Variants in RIMS1 observed in about 807,000 individuals in gnomAD.
The protein encoded by RIMS1 is regulating synaptic membrane exocytosis 1.
Under a neutral mutation model 214.1 loss-of-function variants are expected in RIMS1, and 83 were observed. The ratio of observed to expected loss-of-function variants is 0.39; its 90% CI spans 0.32 to 0.47. The LOEUF is 0.47. Among genes scored for constraint, RIMS1 ranks in the 20% least tolerant of loss-of-function variants. The probability of loss-of-function intolerance (pLI) is 0.99; values close to 1 mark genes in which losing one functional copy is unlikely to be tolerated. For synonymous variants in RIMS1, 793 were observed against 786.8 expected (o/e 1.01, Z -0.13); for missense variants, 2,050 against 2,161.8 (o/e 0.95, Z 1.03).
At chr6:72,395,392 AAG>A (rs2098762152) in intron 31 of RIMS1, among the ~76,000 whole-genome samples, 2 of 149,326 alleles carry the variant, frequency 1.3e-5, no homozygotes, top group African/African-American at 5.1e-5. Context: ...GAAGAAGAAA[AAG>A]AAGATTACCT....
chr6:72,359,067 G>T (rs952378868), intron 29 of RIMS1, among the ~76,000 whole-genome samples: 1 of 152,172 alleles, frequency 6.6e-6, no homozygotes, highest in Non-Finnish European at 1.5e-5. Context: ...AATGTTCTGT[G>T]TTGAGCAAGT....
intron 1 of RIMS1, among the ~76,000 whole-genome samples, chr6:71,960,869 G>A (rs926175409): frequency 6.6e-6 from 1 of 152,046 alleles, no homozygotes; most frequent in South Asian, 2.1e-4. Context: ...TTCCTGTAGA[G>A]AAGCTGGGTA....
At chr6:72,104,616 G>A (rs981354889) in intron 4 of RIMS1, among the ~76,000 whole-genome samples, 11 of 152,064 alleles carry the variant, frequency 7.2e-5, no homozygotes, top group African/African-American at 2.2e-4. Flanking sequence ...TCACTTGGCC[G>A]TACCTACCAA....
chr6:72,111,156 G>C (rs538396884), intron 4 of RIMS1, among the ~76,000 whole-genome samples: 1 of 152,248 alleles, frequency 6.6e-6, no homozygotes, highest in East Asian at 1.9e-4. Context: ...AAGTTGCTTA[G>C]TTCTTTGTGT....
chr6:71,972,037 C>T (rs1474537032), intron 2 of RIMS1, among the ~76,000 whole-genome samples: 2 of 151,900 alleles, frequency 1.3e-5, no homozygotes, highest in Non-Finnish European at 2.9e-5. Context: ...GATGACATCA[C>T]CACAGGATAC....
chr6:72,038,130 T>A (rs1240768030), intron 2 of RIMS1, among the ~76,000 whole-genome samples: 30 of 95,610 alleles, frequency 3.1e-4, no homozygotes, highest in Non-Finnish European at 3.8e-4. Context: ...TATATATATA[T>A]ATATATATAT....
rs535934845 is a variant in RIMS1, at chr6:72,151,104, G to A, written c.472-28471G>A. On this transcript the variant is annotated intron_variant, in intron 4 of 33. Coordinates refer to ENST00000521978, the MANE Select transcript of RIMS1 (RefSeq NM_014989.7). ...GTCACCCAGGCTGGAGTGCAGTGGC[G>A]CAATCTCGGCTCACTGCACGCTCCG... Among the ~76,000 whole-genome samples the A allele has an allele frequency of 2.9e-4, 44 of 152,082 alleles. No homozygotes were observed. The South Asian group carries it at 7.7e-3, about 27-fold the overall frequency.
chr6:72,010,025 C>G (rs543981098), intron 2 of RIMS1, among the ~76,000 whole-genome samples: 1 of 151,872 alleles, frequency 6.6e-6, no homozygotes, highest in Admixed American at 6.6e-5. Flanking sequence ...ACAACAACAA[C>G]AAAAAAGAGA....
intron 6 of RIMS1, among the ~76,000 whole-genome samples, chr6:72,208,820 TC>T (rs1185304655): frequency 6.6e-6 from 1 of 152,132 alleles, no homozygotes; most frequent in African/African-American, 2.4e-5. Context: ...AAATATTATC[TC>T]TGAAAAATTC....
intron 26 of RIMS1, among the ~76,000 whole-genome samples, chr6:72,294,281 G>C (rs2093803048): frequency 6.6e-6 from 1 of 151,620 alleles, no homozygotes. Flanking sequence ...TTTCATTGTT[G>C]TTCTTAAGGC....
intron 6 of RIMS1, among the ~76,000 whole-genome samples, chr6:72,207,022 A>G (rs1333149525): frequency 6.6e-6 from 1 of 152,232 alleles, no homozygotes; most frequent in African/African-American, 2.4e-5. Flanking sequence ...CACAAAGTTC[A>G]TAAATATTTT....
intron 1 of RIMS1, among the ~76,000 whole-genome samples, chr6:71,903,513 T>G (rs1016693812): frequency 6.6e-6 from 1 of 152,084 alleles, no homozygotes; most frequent in Admixed American, 6.6e-5. Context: ...GGGATCTAAT[T>G]AAACTAAAGA....
At chr6:71,890,606 A>G (rs922403402) in intron 1 of RIMS1, among the ~76,000 whole-genome samples, 2 of 139,564 alleles carry the variant, frequency 1.4e-5, no homozygotes, top group African/African-American at 5.2e-5. Flanking sequence ...AACTTCATAG[A>G]GAAAGCAGCT....
intron 1 of RIMS1, among the ~76,000 whole-genome samples, chr6:71,956,763 C>T (rs1791418422): frequency 6.6e-6 from 1 of 152,084 alleles, no homozygotes; most frequent in Non-Finnish European, 1.5e-5. Context: ...GGTTTAGCTT[C>T]CTCTAAGGAA....
At chr6:72,252,945 C>T in intron 16 of RIMS1, 113 bp downstream of exon 16, 1 of 748,544 alleles carries the variant, frequency 1.3e-6, no homozygotes, top group Non-Finnish European at 2.3e-6. Flanking sequence ...ACAGAGAAAT[C>T]AGTATTATAT....
chr6:72,235,466 C>A (rs2063645048), intron 7 of RIMS1, among the ~76,000 whole-genome samples, 152 bp from the exon 8 acceptor site: 1 of 152,044 alleles, frequency 6.6e-6, no homozygotes, highest in South Asian at 2.1e-4. Context: ...AACTTTCATG[C>A]GGGAACTAAC....
chr6:72,097,234 C>A, intron 3 of RIMS1, 72 bp downstream of exon 3: 2 of 1,304,820 alleles, frequency 1.5e-6, no homozygotes, highest in Non-Finnish European at 2.2e-6. Flanking sequence ...AACATGAGAA[C>A]ACGTGCATCT....
At chr6:72,014,018 G>A (rs1811824521) in intron 2 of RIMS1, among the ~76,000 whole-genome samples, 2 of 152,142 alleles carry the variant, frequency 1.3e-5, no homozygotes, top group Non-Finnish European at 2.9e-5. Context: ...TTCACTTAGT[G>A]TATTAGTCCA....
intron 2 of RIMS1, among the ~76,000 whole-genome samples, chr6:72,094,885 T>A (rs1012599102): frequency 6.6e-6 from 1 of 151,878 alleles, no homozygotes; most frequent in Non-Finnish European, 1.5e-5. Flanking sequence ...TTATGTACTC[T>A]CTGCTTAGAG....
Sources: allele counts gnomAD v4.1 joint callset (sites outside exome capture counted in the v4.1 genomes callset), GRCh38; gene constraint gnomAD v4.1.1; transcripts MANE v1.5; gene names NCBI Gene and HGNC (gene_info 2026-07-23, HGNC 2026-07-21).